SNRNP27: variants seen among roughly 807,000 people sequenced by gnomAD.
SNRNP27 encodes the protein small nuclear ribonucleoprotein U4/U6.U5 subunit 27, also known as U4/U6.U5 small nuclear ribonucleoprotein 27 kDa protein.
Under a neutral mutation model 25.1 loss-of-function variants are expected in SNRNP27, and 22 were observed. The ratio of observed to expected loss-of-function variants is 0.88; its 90% CI spans 0.63 to 1.25. The LOEUF (loss-of-function observed/expected upper bound fraction) is 1.25, where lower values mean the gene tolerates loss of function less well. Ranked by LOEUF, SNRNP27 falls within the 50% of genes most tolerant of loss-of-function variation. The pLI, the probability that SNRNP27 is intolerant of heterozygous loss-of-function variation, is 0.00. For missense variants in SNRNP27, 150 were observed against 202.3 expected, an observed-to-expected ratio of 0.74 and a Z score of 1.57; for synonymous variants, 66 against 64.9, an observed-to-expected ratio of 1.02 and a Z score of -0.08.
At position 69,896,541 on chromosome 2, in the gene SNRNP27, GATTACTGGTA is replaced by G; in HGVS notation, c.264_268+5del. ...AAGAAACAAAGAGCAAAGAACGGCA[GATTACTGGTA>G]ATGTTATTAGATAAATAACTGTAGG... On this transcript the variant is annotated splice_donor_variant and splice_donor_region_variant and coding_sequence_variant and intron_variant, in exon 3 of 6. Transcript: ENST00000244227. LOFTEE classifies it high-confidence loss of function. 1 of 1,600,704 alleles carries G rather than the reference GATTACTGGTA, an allele frequency of 6.2e-7. No individual in the cohort carries two copies. Among genetic ancestry groups the G allele is most frequent in the Non-Finnish European group, 8.5e-7 (1 of 1,171,384 alleles).
At chr2:69,899,119 TGAA>T (rs923762178) in intron 4 of SNRNP27, among the ~76,000 whole-genome samples, 33 of 152,284 alleles carry the variant, frequency 2.2e-4, no homozygotes, top group African/African-American at 7.2e-4. Flanking sequence ...ATGTAGTCAG[TGAA>T]GAAGATGTTT....
chr2:69,895,812 G>C (rs562408895), intron 2 of SNRNP27, among the ~76,000 whole-genome samples: 1 of 152,156 alleles, frequency 6.6e-6, no homozygotes, highest in Admixed American at 6.5e-5. Flanking sequence ...CACCCACCTC[G>C]GCCTCCCAAA....
intron 3 of SNRNP27, 87 bp downstream of exon 3, chr2:69,896,635 C>T: frequency 1.2e-5 from 16 of 1,291,246 alleles, no homozygotes; most frequent in South Asian, 4.5e-5. Context: ...AATGTTAAGC[C>T]TTTTATAGTA....
chr2:69,904,442 T>G lies in SNRNP27; in HGVS notation c.*134T>G, dbSNP rs868049761. Reference sequence around the variant, plus strand: ...TCTTGTAAAGTAAGAAAATCTTATTTATGATATATGCAGTTAACTTACCTT... The same window carrying G: ...TCTTGTAAAGTAAGAAAATCTTATTGATGATATATGCAGTTAACTTACCTT... On this transcript the variant is annotated 3_prime_UTR_variant, in exon 6 of 6. Transcript: ENST00000244227. The G allele has an allele frequency of 1.1e-5, 8 of 748,350 alleles. No individual in the cohort carries two copies. The highest frequency in any genetic ancestry group is 2.2e-5 in the Admixed American group (1 of 45,178). 46.4% of individuals were successfully genotyped at this position (748,350 alleles called of 1,614,324 possible). A position where few individuals can be genotyped will look rare whatever the true frequency, so the allele number is the denominator to read the frequency against.
intron 3 of SNRNP27, 53 bp from the exon 4 acceptor site, chr2:69,897,324 T>G: frequency 4.1e-6 from 5 of 1,224,512 alleles, no homozygotes; most frequent in Non-Finnish European, 2.4e-6. Context: ...CTCTTTTTAT[T>G]TATGTATATA....
chr2:69,897,316 CTT>C (rs1013492447), intron 3 of SNRNP27, 59 bp from the exon 4 acceptor site: 3 of 1,177,586 alleles, frequency 2.5e-6, no homozygotes, highest in Non-Finnish European at 3.8e-6. Flanking sequence ...TACCACCTCT[CTT>C]TTTATTTATG....
chr2:69,900,661 A>G (rs1299197672), intron 4 of SNRNP27, among the ~76,000 whole-genome samples: 5 of 152,228 alleles, frequency 3.3e-5, no homozygotes, highest in Non-Finnish European at 7.3e-5. Context: ...CTAATCTTGC[A>G]TAAGTAGTAA....
chr2:69,899,649 C>T (rs1383998310), intron 4 of SNRNP27, among the ~76,000 whole-genome samples: 1 of 152,124 alleles, frequency 6.6e-6, no homozygotes, highest in African/African-American at 2.4e-5. Flanking sequence ...AGGCTGGTCT[C>T]GAACTCTTGG....
At chr2:69,897,779 C>G (rs1480300287) in intron 4 of SNRNP27, 2 of 204,418 alleles carry the variant, frequency 9.8e-6, no homozygotes, top group African/African-American at 4.7e-5. Flanking sequence ...GTGGGAATTT[C>G]AGATTCGACC....
At position 69,896,371 on chromosome 2, in the gene SNRNP27, C is replaced by G. The variant is rs993427479; in HGVS notation, c.156-65C>G. ...TCTGTGGAGCTCACCTCATGTATAT[C>G]TGTGCTGATTGATACAAAGTTGATA... On this transcript the variant is annotated intron_variant, in intron 2 of 5. Coordinates refer to ENST00000244227, the MANE Select transcript of SNRNP27 (RefSeq NM_006857.3). The G allele has an allele frequency of 6.2e-6, 9 of 1,443,980 alleles. No homozygotes were observed. The East Asian group carries it at 1.8e-4, about 29-fold the overall frequency. 89.4% of individuals were successfully genotyped at this position (1,443,980 alleles called of 1,614,324 possible). A position where few individuals can be genotyped will look rare whatever the true frequency, so the allele number is the denominator to read the frequency against.
chr2:69,894,577 G>A (rs945910046), intron 1 of SNRNP27, among the ~76,000 whole-genome samples: 1 of 152,056 alleles, frequency 6.6e-6, no homozygotes, highest in East Asian at 1.9e-4. Context: ...CTGGCTACCA[G>A]CCCCATAAAT....
rs56983328 is a variant in SNRNP27 at position 69,899,984 on chromosome 2, AT to A, written c.348+2541del. ...TCAAGAAATCCTCCTGCCTCAGTCC[AT>A]TTTTTTTTTTTTATTTTTGAAGAGA... is the stretch of plus-strand genomic sequence containing the variant. On this transcript the variant is annotated intron_variant, in intron 4 of 5. Coordinates refer to ENST00000244227, the MANE Select transcript of SNRNP27 (RefSeq NM_006857.3). Among the ~76,000 whole-genome samples, 957 of 144,578 alleles carry A rather than the reference AT, an allele frequency of 6.6e-3. 9 individuals are homozygous for A. Among genetic ancestry groups the A allele is most frequent in the African/African-American group, 0.02 (777 of 39,562 alleles). 94.8% of individuals were successfully genotyped at this position (144,578 alleles called of 152,430 possible). A position where few individuals can be genotyped will look rare whatever the true frequency, so the allele number is the denominator to read the frequency against.
At chr2:69,895,664 A>T (rs567560353) in intron 2 of SNRNP27, among the ~76,000 whole-genome samples, 2 of 152,034 alleles carry the variant, frequency 1.3e-5, no homozygotes, top group Admixed American at 1.3e-4. Context: ...GGTTCAAGCA[A>T]TTCTGCTGCT....
At position 69,895,194 on chromosome 2, in the gene SNRNP27, C is replaced by T. The variant is rs1484177160; in HGVS notation, c.135C>T (p.Ser45=). ...ERDRRRSRSR[S]PHRRRSRSPR... ...ATCGGAGAAGGAGCCGCTCGCGATC[C>T]CCGCACCGAAGACGCTCCCGGTAAG... is the stretch of plus-strand genomic sequence containing the variant. The change falls in exon 2 of 6, where the codon TCC becomes TCT. Residue 45 remains serine, a synonymous_variant. Coordinates refer to ENST00000244227, the MANE Select transcript of SNRNP27 (RefSeq NM_006857.3). 5 of 1,614,058 alleles carry T rather than the reference C, an allele frequency of 3.1e-6. No individual in the cohort carries two copies. Among genetic ancestry groups the T allele is most frequent in the Non-Finnish European group, 4.2e-6 (5 of 1,179,996 alleles).
rs762819059 is a variant in SNRNP27, at chr2:69,895,105, T to C, written c.46T>C (p.Ser16Pro). ...TGCGTTTGCATTAGAACGTAGGCGT[T>C]CCCGGTCCACATCCCGGGAGAGAGA... is the stretch of plus-strand genomic sequence containing the variant. ...SRSPRRERRR[S>P]RSTSRERERR... is the part of the protein sequence containing the mutation. Residue 16 changes from serine (S) to proline (P), a missense_variant, in exon 2 of 6, where the codon TCC becomes CCC. Around this residue, in one of 2 missense-constraint regions of SNRNP27, gnomAD observed 142 missense variants for 168.6 expected, o/e 0.84. Coordinates refer to ENST00000244227, the MANE Select transcript of SNRNP27 (RefSeq NM_006857.3). 6.2e-7 allele frequency: 1 copy of C among 1,613,280 alleles called. No individual in the cohort carries two copies. The highest frequency in any genetic ancestry group is 1.1e-5 in the South Asian group (1 of 91,050).
intron 4 of SNRNP27, among the ~76,000 whole-genome samples, chr2:69,902,276 C>CTCCCTTCTTTCTTCTCCT (rs1676713476): frequency 2.0e-5 from 3 of 149,666 alleles, no homozygotes; most frequent in African/African-American, 7.4e-5. Flanking sequence ...CTCCTTCCTC[C>CTCCCTTCTTTCTTCTCCT]TCCTCCTTCC....
chr2:69,895,510 C>T (rs922529916), intron 2 of SNRNP27, among the ~76,000 whole-genome samples: 1 of 152,022 alleles, frequency 6.6e-6, no homozygotes, highest in Non-Finnish European at 1.5e-5. Flanking sequence ...TTCTTTCTTC[C>T]GTTCCTTTCC....
rs560744055 is a variant in SNRNP27, at chr2:69,894,006, T to A, written c.22T>A (p.Ser8Thr). The change falls in exon 1 of 6, where the codon TCT (serine) becomes ACT (threonine). Residue 8 changes from serine (S) to threonine (T), a missense_variant. Ser to Thr is a moderately conservative substitution (Grantham distance 58). This residue lies in a region of SNRNP27 where 142 missense variants were observed against 168.6 expected (regional missense o/e 0.84). Coordinates refer to ENST00000244227, the MANE Select transcript of SNRNP27 (RefSeq NM_006857.3). Reference protein sequence around the residue: MGRSRSRSPRRERRRSRS... With the variant: MGRSRSRTPRRERRRSRS... ...CCAAATGGGTCGCAGTCGCAGCCGC[T>A]CTCCACGGAGGGGTGAGTCCTGTAG... is the stretch of plus-strand genomic sequence containing the variant. 6.2e-7 allele frequency: 1 copy of A among 1,613,960 alleles called. No homozygotes were observed. The highest frequency in any genetic ancestry group is 8.5e-7 in the Non-Finnish European group (1 of 1,179,912).
intron 5 of SNRNP27, among the ~76,000 whole-genome samples, chr2:69,904,006 C>T (rs1047629285): frequency 2.6e-5 from 4 of 151,642 alleles, no homozygotes; most frequent in Admixed American, 6.6e-5. Context: ...GTCTGTAAAT[C>T]TTCTCAAATA....
Sources: gnomAD v4.1 joint callset for allele counts (sites outside exome capture counted in the v4.1 genomes callset) on GRCh38, gnomAD v4.1.1 for gene constraint, gnomAD v4.1.1 regional missense constraint, MANE v1.5 for transcripts, NCBI Gene and HGNC (gene_info 2026-07-23, HGNC 2026-07-21) for gene names.